The following CROCC2 variants were observed in gnomAD, a reference collection of about 807,000 sequenced individuals.
The protein encoded by CROCC2 is ciliary rootlet coiled-coil, rootletin family member 2, also known as ciliary rootlet coiled-coil protein 2.
In CROCC2, 163 loss-of-function variants were observed where a neutral mutation model predicts 177.6. The observed-to-expected ratio is 0.92, with a 90% CI of 0.81 to 1.05. The LOEUF (loss-of-function observed/expected upper bound fraction) is 1.05. CROCC2 is among the 50% of genes least tolerant of loss of function. CROCC2 has a pLI of 0.00. For missense variants in CROCC2, 1,929 were observed against 1,797.8 expected, an observed-to-expected ratio of 1.07 and a Z score of -1.32; for synonymous variants, 904 against 787.3, an observed-to-expected ratio of 1.15 and a Z score of -2.48.
chr2:240,935,720 A>C, intron 14 of CROCC2, 132 bp downstream of exon 14: 1 of 652,920 alleles, frequency 1.5e-6, no homozygotes, highest in Non-Finnish European at 2.3e-6. Context: ...GTAACGGATC[A>C]GGCCCAGTGC....
At chr2:240,962,670 C>G (rs2059651376) in intron 20 of CROCC2, among the ~76,000 whole-genome samples, 1 of 152,232 alleles carries the variant, frequency 6.6e-6, no homozygotes, top group African/African-American at 2.4e-5. Context: ...GCTTCCATCT[C>G]TGGGCATGCC....
intron 14 of CROCC2, among the ~76,000 whole-genome samples, chr2:240,944,832 G>C (rs1456271098): frequency 1.3e-5 from 2 of 152,166 alleles, no homozygotes; most frequent in Non-Finnish European, 2.9e-5. Flanking sequence ...TGATAGGCCA[G>C]ATCTTGATTA....
At chr2:240,992,264 A>T (rs937703428) in intron 31 of CROCC2, among the ~76,000 whole-genome samples, 8 of 152,218 alleles carry the variant, frequency 5.3e-5, no homozygotes, top group African/African-American at 1.4e-4. Context: ...CAGCCAGCCC[A>T]GTGAATCCCT....
At chr2:240,929,710 CTG>C (rs1180194971) in intron 5 of CROCC2, 1 of 457,624 alleles carries the variant, frequency 2.2e-6, no homozygotes, top group Admixed American at 2.3e-5. Flanking sequence ...AGGAGAAAGA[CTG>C]TACTGGAGAA....
intron 30 of CROCC2, among the ~76,000 whole-genome samples, chr2:240,990,847 G>A (rs534427745): frequency 3.3e-5 from 5 of 152,282 alleles, no homozygotes; most frequent in South Asian, 2.1e-4. Context: ...GGCCCACCTC[G>A]GCCACCCAAA....
chr2:240,934,543 C>G, intron 12 of CROCC2, 68 bp downstream of exon 12: 1 of 1,445,578 alleles, frequency 6.9e-7, no homozygotes, highest in Non-Finnish European at 9.3e-7. Flanking sequence ...CCTCACTGAC[C>G]TGGCCTCCCA....
At chr2:240,928,686 A>T (rs1202368282) in intron 5 of CROCC2, among the ~76,000 whole-genome samples, 1 of 152,222 alleles carries the variant, frequency 6.6e-6, no homozygotes, top group African/African-American at 2.4e-5. Flanking sequence ...GGCTGAAGCA[A>T]GCGTCTACCC....
chr2:240,920,096 G>A lies in CROCC2; in HGVS notation c.343G>A (p.Asp115Asn), dbSNP rs1387535153. 1.4e-6 allele frequency: 1 copy of A among 709,884 alleles called. No individual in the cohort carries two copies. The highest frequency in any genetic ancestry group is 2.0e-5 in the Admixed American group (1 of 49,432). The allele number at this position is 709,884 out of a possible 1,614,324, so 44.0% of individuals were successfully genotyped here. Residue 115 changes from aspartate to asparagine, a missense_variant, in exon 3 of 32, where the codon GAT becomes AAT. Physicochemically the swap from Asp to Asn is conservative, Grantham distance 23. Coordinates refer to ENST00000690015, the MANE Select transcript of CROCC2 (RefSeq NM_001351305.2). ...GCTGGCCCAGGCCAGCGCCGAGCGAGATGAGCTGGCCAGCAGGTGCCGTGT... is the reference window on the plus strand; with the variant it reads ...GCTGGCCCAGGCCAGCGCCGAGCGAAATGAGCTGGCCAGCAGGTGCCGTGT... ...DLLAQASAER[D>N]ELASRCRVVS... is the part of the protein sequence containing the mutation.
intron 28 of CROCC2, among the ~76,000 whole-genome samples, chr2:240,987,705 A>G (rs1264007291): frequency 6.6e-6 from 1 of 152,248 alleles, no homozygotes; most frequent in Non-Finnish European, 1.5e-5. Context: ...AGCACCCGAC[A>G]GAGGGCATTG....
At position 240,991,283 on chromosome 2, in the gene CROCC2, G is replaced by C. The variant is rs771542272; in HGVS notation, c.4946+5G>C. On this transcript the variant is annotated splice_donor_5th_base_variant and intron_variant, in intron 31 of 31. Transcript: ENST00000690015. ...CCAGGCCTTCCAGACAGGACAGTGAGCCCTGCTGCATACCACCCAGCAGCC... is the reference window on the plus strand; with the variant it reads ...CCAGGCCTTCCAGACAGGACAGTGACCCCTGCTGCATACCACCCAGCAGCC... 25 of 1,546,468 alleles carry C rather than the reference G, an allele frequency of 1.6e-5. 1 individual carries two copies. The South Asian group carries it at 3.0e-4, about 19-fold the overall frequency.
At chr2:240,909,369 A>G (rs1473050607) in intron 1 of CROCC2, among the ~76,000 whole-genome samples, 89 of 132,284 alleles carry the variant, frequency 6.7e-4, no homozygotes, top group South Asian at 9.9e-4. Context: ...CCTCCACCTC[A>G]GGTGACCTCT....
intron 14 of CROCC2, among the ~76,000 whole-genome samples, chr2:240,938,942 A>G (rs1012650206): frequency 6.6e-6 from 1 of 152,182 alleles, no homozygotes; most frequent in Non-Finnish European, 1.5e-5. Flanking sequence ...GTATGTTTAT[A>G]TAATTATTCA....
chr2:240,985,577 GCA>G (rs1344191233), intron 28 of CROCC2, among the ~76,000 whole-genome samples: 2 of 73,152 alleles, frequency 2.7e-5, no homozygotes, highest in African/African-American at 1.1e-4. Flanking sequence ...CACACACCCA[GCA>G]CACACACCCA....
chr2:240,984,106 T>C (rs1365279152), intron 28 of CROCC2, among the ~76,000 whole-genome samples: 2 of 152,166 alleles, frequency 1.3e-5, no homozygotes, highest in African/African-American at 2.4e-5. Context: ...CACCCAGTCC[T>C]GTCATCCCCC....
Position 240,982,950 on chromosome 2 carries a change from G to C in CROCC2, c.4472G>C (p.Gly1491Ala), listed in dbSNP as rs2059811342. 1 of 1,550,474 alleles carries C rather than the reference G, an allele frequency of 6.4e-7. No homozygotes were observed. The highest frequency in any genetic ancestry group is 8.7e-7 in the Non-Finnish European group (1 of 1,146,968). The change falls in exon 28 of 32, where the codon GGG becomes GCG. Residue 1491 changes from glycine to alanine, a missense_variant. Around this residue, in one of 3 missense-constraint regions of CROCC2, gnomAD observed 388 missense variants for 352.7 expected, o/e 1.10. Transcript: ENST00000690015. This position sits in a 1 kb window ranked among gnomAD's most constrained non-coding sequence, Gnocchi z 4.7. ...RRHSQGLAKQ[G>A]KLLEEQLTNL... ...CACAGCCAAGGTCTGGCCAAGCAGG[G>C]GAAGCTGCTGGAAGAACAGCTCACC... is the stretch of plus-strand genomic sequence containing the variant.
chr2:240,991,068 A>G, intron 30 of CROCC2, 128 bp from the exon 31 acceptor site: 1 of 602,590 alleles, frequency 1.7e-6, no homozygotes, highest in South Asian at 3.0e-5. Context: ...CATGCATGCC[A>G]CCTCTCCTTG....
In CROCC2 at chr2:240,983,048, G is replaced by A. The variant is rs1236173605; in HGVS notation, c.4551+19G>A. On this transcript the variant is annotated intron_variant, in intron 28 of 31. Transcript: ENST00000690015. ...GCGACAGGTGAGGGTGACCAGGAGGGCAGGGTACGCTGTCACCAGGAGGCG... is the reference window on the plus strand; with the variant it reads ...GCGACAGGTGAGGGTGACCAGGAGGACAGGGTACGCTGTCACCAGGAGGCG... 17 of 1,547,916 alleles carry A rather than the reference G, an allele frequency of 1.1e-5. No homozygotes were observed. Among genetic ancestry groups the A allele is most frequent in the Non-Finnish European group, 1.4e-5 (16 of 1,145,698 alleles).
chr2:240,967,372 C>A lies in CROCC2; in HGVS notation c.4174C>A (p.Leu1392Met), dbSNP rs945765924. The change falls in exon 26 of 32, where the codon CTG (leucine) becomes ATG (methionine). Residue 1392 changes from leucine to methionine, a missense_variant. Transcript: ENST00000690015. ...RDDSRIQMAT[L>M]SSRLSEAECR... Reference sequence around the variant, plus strand: ...TGACTCCCGCATCCAGATGGCGACCCTGAGCAGCCGGCTGAGCGAGGCAGA... The same window carrying A: ...TGACTCCCGCATCCAGATGGCGACCATGAGCAGCCGGCTGAGCGAGGCAGA... 1 of 786,846 alleles carries A rather than the reference C, an allele frequency of 1.3e-6. No individual in the cohort carries two copies. The allele number at this position is 786,846 out of a possible 1,614,324, so 48.7% of individuals were successfully genotyped here. A position where few individuals can be genotyped will look rare whatever the true frequency, so the allele number is the denominator to read the frequency against.
At chr2:240,943,111 G>T (rs1409131281) in intron 14 of CROCC2, among the ~76,000 whole-genome samples, 1 of 152,112 alleles carries the variant, frequency 6.6e-6, no homozygotes, top group East Asian at 1.9e-4. Context: ...GGGCTCAAGT[G>T]ATCCTCCCAC....
Sources: gnomAD v4.1 joint callset for allele counts (sites outside exome capture counted in the v4.1 genomes callset) on GRCh38, gnomAD v4.1.1 for gene constraint, gnomAD v4.1.1 regional missense constraint, Gnocchi (gnomAD v3.1) non-coding constraint, MANE v1.5 for transcripts, NCBI Gene and HGNC (gene_info 2026-07-23, HGNC 2026-07-21) for gene names.